FGGY: variants seen among roughly 807,000 people sequenced by gnomAD.
FGGY encodes the protein FGGY carbohydrate kinase domain-containing protein.
A neutral mutation model predicts 71.3 loss-of-function variants in FGGY; 72 were observed. That is an observed-to-expected ratio of 1.01 (90% CI 0.84 to 1.23). FGGY has a LOEUF of 1.23. Among genes scored for constraint, FGGY ranks in the 50% most tolerant of loss-of-function variants. The pLI is 0.00. For synonymous variants in FGGY, 251 were observed against 250.3 expected (o/e 1.00, Z -0.02); for missense variants, 668 against 682.3 (o/e 0.98, Z 0.23).
chr1:59,493,139 A>G (rs147555763), intron 6 of FGGY, among the ~76,000 whole-genome samples: 1 of 150,340 alleles, frequency 6.7e-6, no homozygotes, highest in African/African-American at 2.4e-5. Context: ...ACAAAACAGA[A>G]AGTAAGTGTT....
chr1:59,626,105 A>G, intron 10 of FGGY, 56 bp downstream of exon 10: 1 of 1,469,900 alleles, frequency 6.8e-7, no homozygotes. Context: ...TATTGAGAGA[A>G]TTCACGTTGG....
intron 1 of FGGY, among the ~76,000 whole-genome samples, chr1:59,301,318 T>C (rs1028904780): frequency 6.6e-6 from 1 of 152,244 alleles, no homozygotes; most frequent in Non-Finnish European, 1.5e-5. Flanking sequence ...TCCTGAAATC[T>C]TGCTCATGTG....
chr1:59,303,818 G>A (rs572662988), intron 1 of FGGY, among the ~76,000 whole-genome samples: 1 of 151,912 alleles, frequency 6.6e-6, no homozygotes, highest in South Asian at 2.1e-4. Flanking sequence ...TTCTCATTGT[G>A]CTTTTGATTT....
At chr1:59,606,304 C>T (rs1177832934) in intron 8 of FGGY, among the ~76,000 whole-genome samples, 1 of 152,108 alleles carries the variant, frequency 6.6e-6, no homozygotes, top group Non-Finnish European at 1.5e-5. Flanking sequence ...GCTTATGTCC[C>T]TTTCTCTAAG....
intron 6 of FGGY, among the ~76,000 whole-genome samples, chr1:59,510,850 T>C (rs2094501751): frequency 6.6e-6 from 1 of 152,224 alleles, no homozygotes; most frequent in Non-Finnish European, 1.5e-5. Flanking sequence ...TGATTTAGAT[T>C]TCTTAAATTA....
chr1:59,455,481 G>A (rs938732726), intron 5 of FGGY, among the ~76,000 whole-genome samples: 8 of 152,206 alleles, frequency 5.3e-5, no homozygotes, highest in Admixed American at 4.6e-4. Flanking sequence ...CCAGAACGGA[G>A]TGACTGTGGA....
intron 8 of FGGY, among the ~76,000 whole-genome samples, chr1:59,569,594 G>A (rs1018204547): frequency 2.2e-4 from 33 of 152,136 alleles, no homozygotes; most frequent in East Asian, 3.9e-4. Context: ...TGGGTCCCAC[G>A]AACAAAGATT....
intron 5 of FGGY, among the ~76,000 whole-genome samples, chr1:59,400,870 C>A (rs564487389): frequency 1.3e-5 from 2 of 152,062 alleles, no homozygotes; most frequent in Admixed American, 6.6e-5. Context: ...CTCCCAGGCT[C>A]GAGCAATCTG....
At chr1:59,600,515 G>GT (rs1239751702) in intron 8 of FGGY, among the ~76,000 whole-genome samples, 1 of 152,154 alleles carries the variant, frequency 6.6e-6, no homozygotes, top group Admixed American at 6.5e-5. Context: ...ATCCAGGAGG[G>GT]AAGAGAAAGA....
chr1:59,598,953 T>C (rs1044826913), intron 8 of FGGY, among the ~76,000 whole-genome samples: 2 of 152,210 alleles, frequency 1.3e-5, no homozygotes, highest in Non-Finnish European at 2.9e-5. Flanking sequence ...ATGCAGAGTA[T>C]GTTATGACAA....
At chr1:59,371,662 G>A (rs1300317071) in intron 4 of FGGY, among the ~76,000 whole-genome samples, 3 of 152,064 alleles carry the variant, frequency 2.0e-5, no homozygotes, top group Non-Finnish European at 4.4e-5. Context: ...TTGGAAGTAA[G>A]GCTCTCCTCA....
chr1:59,665,839 A>AT (rs559404257), intron 12 of FGGY, among the ~76,000 whole-genome samples: 20 of 151,886 alleles, frequency 1.3e-4, no homozygotes, highest in African/African-American at 4.1e-4. Context: ...ACGCCCAGCT[A>AT]TTTTTTTGTA....
At chr1:59,553,580 G>C (rs2153704977) in intron 7 of FGGY, among the ~76,000 whole-genome samples, 1 of 152,272 alleles carries the variant, frequency 6.6e-6, no homozygotes, top group South Asian at 2.1e-4. Context: ...TAAGAATGGT[G>C]ACCTAGGGAT....
At chr1:59,743,477 A>T (rs2098167615) in intron 14 of FGGY, among the ~76,000 whole-genome samples, 1 of 152,248 alleles carries the variant, frequency 6.6e-6, no homozygotes, top group Non-Finnish European at 1.5e-5. Context: ...AAATGACATT[A>T]TCTGGCTCAA....
intron 14 of FGGY, among the ~76,000 whole-genome samples, chr1:59,678,586 T>C (rs1308750351): frequency 3.3e-5 from 5 of 152,174 alleles, no homozygotes; most frequent in Non-Finnish European, 1.5e-5. Context: ...CTCAATCAAA[T>C]GGCAAAGAGA....
intron 5 of FGGY, among the ~76,000 whole-genome samples, chr1:59,449,148 A>G (rs1210204962): frequency 3.3e-5 from 5 of 152,210 alleles, no homozygotes; most frequent in East Asian, 3.8e-4. Flanking sequence ...TTTCTTCTTT[A>G]TGAGTCTTTT....
intron 5 of FGGY, among the ~76,000 whole-genome samples, chr1:59,422,585 C>T (rs1484769987): frequency 2.0e-5 from 3 of 151,634 alleles, no homozygotes; most frequent in Non-Finnish European, 4.4e-5. Context: ...GTCCCAGCTA[C>T]TCAGGAGGCT....
At chr1:59,443,527 C>T (rs2070473228) in intron 5 of FGGY, among the ~76,000 whole-genome samples, 1 of 152,136 alleles carries the variant, frequency 6.6e-6, no homozygotes, top group Non-Finnish European at 1.5e-5. Flanking sequence ...CCCAGGCTTA[C>T]CGATTATGCA....
intron 10 of FGGY, among the ~76,000 whole-genome samples, chr1:59,632,809 G>A (rs78267541): frequency 1.3e-4 from 20 of 152,128 alleles, no homozygotes; most frequent in African/African-American, 1.2e-4. Flanking sequence ...ACCTTGGACC[G>A]TCATTCTGAT....
Sources: gnomAD v4.1 joint callset for allele counts (sites outside exome capture counted in the v4.1 genomes callset) on GRCh38, gnomAD v4.1.1 for gene constraint, MANE v1.5 for transcripts, NCBI Gene and HGNC (gene_info 2026-07-23, HGNC 2026-07-21) for gene names.